SLC30A8: variants seen among roughly 807,000 people sequenced by gnomAD.
SLC30A8 encodes the protein solute carrier family 30 member 8.
In SLC30A8, 27 loss-of-function variants were observed where a neutral mutation model predicts 36.9. The observed-to-expected ratio is 0.73, with a 90% confidence interval of 0.54 to 1.01. The LOEUF (loss-of-function observed/expected upper bound fraction) is 1.01. SLC30A8 is among the 50% of genes least tolerant of loss of function. The pLI is 0.00. For missense variants in SLC30A8, 439 were observed against 452.0 expected (o/e 0.97, Z 0.26); for synonymous variants, 164 against 172.4 (o/e 0.95, Z 0.38).
intron 1 of SLC30A8, among the ~76,000 whole-genome samples, chr8:116,981,700 G>A (rs1440577347): frequency 6.6e-6 from 1 of 152,146 alleles, no homozygotes; most frequent in Admixed American, 6.6e-5. Context: ...AGCTCACTTA[G>A]GATAATGGCC....
intron 2 of SLC30A8, among the ~76,000 whole-genome samples, chr8:117,091,216 C>A (rs1819109590): frequency 6.6e-6 from 1 of 152,158 alleles, no homozygotes; most frequent in African/African-American, 2.4e-5. Context: ...GGACAGAAAG[C>A]CAAGGCTCTC....
chr8:117,058,806 C>CCACA (rs138407156), intron 2 of SLC30A8, among the ~76,000 whole-genome samples: 2 of 152,030 alleles, frequency 1.3e-5, no homozygotes, highest in Non-Finnish European at 2.9e-5. Flanking sequence ...TTATTGGAAT[C>CCACA]CACACACACA....
chr8:117,033,266 T>A (rs986667485), intron 1 of SLC30A8, among the ~76,000 whole-genome samples: 11 of 152,206 alleles, frequency 7.2e-5, no homozygotes, highest in African/African-American at 2.7e-4. Flanking sequence ...AGTGGATGAA[T>A]GGATAAACAA....
At position 117,146,227 on chromosome 8, in the gene SLC30A8, T is replaced by C. The variant is rs183264637; in HGVS notation, c.72-727T>C. ...TATGAATGTATTAAATTATCACATG[T>C]ACCCTAAATTAGTTATATTTATTAT... On this transcript the variant is annotated intron_variant, in intron 1 of 7. Coordinates refer to ENST00000456015, the MANE Select transcript of SLC30A8 (RefSeq NM_173851.3). Among the ~76,000 whole-genome samples the C allele has an allele frequency of 6.6e-5, 10 of 152,294 alleles. No homozygotes were observed. The East Asian group carries it at 1.5e-3, about 24-fold the overall frequency.
rs1823657726 is a variant in SLC30A8 at position 117,175,920 on chromosome 8, A to T, written c.*3239A>T. The T allele has an allele frequency of 6.6e-6, 1 of 152,024 alleles. No homozygotes were observed. The highest frequency in any genetic ancestry group is 2.4e-5 in the African/African-American group (1 of 41,412). The allele number at this position is 152,024 out of a possible 1,614,324, so 9.4% of individuals were successfully genotyped here. On this transcript the variant is annotated 3_prime_UTR_variant, in exon 8 of 8. Coordinates refer to ENST00000456015, the MANE Select transcript of SLC30A8 (RefSeq NM_173851.3). The stretch of plus-strand genomic sequence containing the variant: ...ATTAAAATAGTCGAATCCCTTTCTG[A>T]CTGTCTCTGAAAGCTTCCGCTTTTA...
intron 1 of SLC30A8, among the ~76,000 whole-genome samples, chr8:116,965,485 A>G (rs986940265): frequency 1.3e-5 from 2 of 152,252 alleles, no homozygotes; most frequent in Non-Finnish European, 2.9e-5. Flanking sequence ...AATGTCTTAC[A>G]TTTACCTGCC....
intron 2 of SLC30A8, among the ~76,000 whole-genome samples, chr8:117,082,315 T>C (rs1439645368): frequency 6.6e-6 from 1 of 152,050 alleles, no homozygotes; most frequent in African/African-American, 2.4e-5. Flanking sequence ...TGATGAAAAG[T>C]AATGTGTATA....
chr8:117,001,870 T>G (rs1816020921), intron 1 of SLC30A8, among the ~76,000 whole-genome samples: 1 of 152,212 alleles, frequency 6.6e-6, no homozygotes, highest in East Asian at 1.9e-4. Context: ...TATATTTTCT[T>G]TAGTTATTTC....
intron 1 of SLC30A8, among the ~76,000 whole-genome samples, chr8:117,017,676 ATGAGGCAT>A (rs1452718218): frequency 1.3e-5 from 2 of 152,248 alleles, no homozygotes; most frequent in Non-Finnish European, 2.9e-5. Flanking sequence ...TGTGAAGAAA[ATGAGGCAT>A]TATATGAGAG....
chr8:117,135,420 T>C (rs1449908500), intron 1 of SLC30A8, 22 bp downstream of exon 1: 2 of 1,549,420 alleles, frequency 1.3e-6, no homozygotes, highest in African/African-American at 2.7e-5. Context: ...CTGTGTCTGC[T>C]TCACAATTTT....
intron 1 of SLC30A8, among the ~76,000 whole-genome samples, chr8:116,999,706 A>G (rs1454502215): frequency 2.0e-5 from 3 of 152,208 alleles, no homozygotes; most frequent in African/African-American, 7.2e-5. Context: ...TGATACCATT[A>G]GTATCCCACT....
At chr8:117,066,217 C>T (rs1198168235) in intron 2 of SLC30A8, among the ~76,000 whole-genome samples, 2 of 152,206 alleles carry the variant, frequency 1.3e-5, no homozygotes, top group African/African-American at 4.8e-5. Flanking sequence ...CTTCTTTCCA[C>T]TGTCCTGTTG....
chr8:117,157,824 C>T lies in SLC30A8; in HGVS notation c.552C>T (p.Cys184=), dbSNP rs181713403. The T allele has an allele frequency of 2.3e-5, 37 of 1,614,066 alleles. No individual in the cohort carries two copies. The highest frequency in any genetic ancestry group is 3.3e-5 in the Admixed American group (2 of 60,014). The change falls in exon 4 of 8, where the codon TGC becomes TGT. Residue 184 remains cysteine (C), a synonymous_variant. Transcript: ENST00000456015. The part of the protein sequence containing the change: ...QATVMIIVSS[C]AVAANIVLTV... ...CTGTGATGATCATCGTTTCCAGCTG[C>T]GCAGTGGCGGCCAACATTGTGTAAG...
chr8:117,061,783 A>G (rs1818030100), intron 2 of SLC30A8, among the ~76,000 whole-genome samples: 2 of 152,128 alleles, frequency 1.3e-5, no homozygotes, highest in African/African-American at 4.8e-5. Context: ...AGCAAATGGC[A>G]TTTTACTTAT....
intron 1 of SLC30A8, among the ~76,000 whole-genome samples, chr8:117,022,730 G>A (rs1449016386): frequency 2.6e-5 from 4 of 152,166 alleles, no homozygotes; most frequent in Non-Finnish European, 5.9e-5. Flanking sequence ...ATTAATTCAA[G>A]ATGGATCAAA....
chr8:117,157,968 T>C, intron 4 of SLC30A8, 124 bp downstream of exon 4: 1 of 1,088,466 alleles, frequency 9.2e-7, no homozygotes, highest in Non-Finnish European at 1.3e-6. Flanking sequence ...AGTGTTTGAA[T>C]GGCTCTAAGA....
rs1266490798 is a variant in SLC30A8, at chr8:117,173,569, G to A, written c.*888G>A. ...TGAGCACTGCTTTGTGCTAGACATT[G>A]GGCTTAGCATTGAAACTATAAAGAG... On this transcript the variant is annotated 3_prime_UTR_variant, in exon 8 of 8. Transcript: ENST00000456015. 1 of 152,138 alleles carries A rather than the reference G, an allele frequency of 6.6e-6. No homozygotes were observed. The highest frequency in any genetic ancestry group is 1.5e-5 in the Non-Finnish European group (1 of 68,006). 9.4% of individuals were successfully genotyped at this position (152,138 alleles called of 1,614,324 possible).
intron 1 of SLC30A8, among the ~76,000 whole-genome samples, chr8:117,038,343 C>A (rs1314000552): frequency 6.6e-6 from 1 of 152,126 alleles, no homozygotes. Context: ...AAAATAAGTT[C>A]TATGCACTTA....
chr8:116,981,422 G>C (rs1286805090), intron 1 of SLC30A8, among the ~76,000 whole-genome samples: 4 of 152,132 alleles, frequency 2.6e-5, no homozygotes. Context: ...TTTTTTTAAA[G>C]TTATATTTTA....
Sources: allele counts gnomAD v4.1 joint callset (sites outside exome capture counted in the v4.1 genomes callset), GRCh38; gene constraint gnomAD v4.1.1; transcripts MANE v1.5; gene names NCBI Gene and HGNC (gene_info 2026-07-23, HGNC 2026-07-21).